C1orf35: variants seen among roughly 807,000 people sequenced by gnomAD.
C1orf35 encodes the protein multiple myeloma tumor-associated protein 2.
In C1orf35, 36 loss-of-function variants were observed where a neutral mutation model predicts 30.9. That is an observed-to-expected ratio of 1.16 (90% CI 0.89 to 1.54). The LOEUF (loss-of-function observed/expected upper bound fraction) is 1.54, where lower values mean the gene tolerates loss of function less well. C1orf35 is among the 40% of genes most tolerant of loss of function. The probability of loss-of-function intolerance (pLI) is 0.00; values close to 1 mark genes in which losing one functional copy is unlikely to be tolerated. For synonymous variants in C1orf35, 179 were observed against 148.2 expected, an observed-to-expected ratio of 1.21 and a Z score of -1.51; for missense variants, 396 against 358.7, an observed-to-expected ratio of 1.10 and a Z score of -0.84.
intron 6 of C1orf35, 105 bp from the exon 7 acceptor site, chr1:228,101,578 TTTAAATCAG>T: frequency 6.5e-7 from 1 of 1,539,418 alleles, no homozygotes; most frequent in African/African-American, 1.4e-5. Context: ...CAAGTGCGTC[TTTAAATCAG>T]TTAAATCAAA....
rs1471752209 is a variant in C1orf35 at position 228,101,043 on chromosome 1, C to T, written c.*88G>A. The T allele has an allele frequency of 4.5e-6, 7 of 1,572,778 alleles. No homozygotes were observed. In the East Asian group the frequency reaches 6.7e-5, roughly 15 times the overall value. On this transcript the variant is annotated 3_prime_UTR_variant, in exon 8 of 8. Coordinates refer to ENST00000272139, the MANE Select transcript of C1orf35 (RefSeq NM_024319.4). ...CCACAGGAGCAGCCTCGGGCTTCAC[C>T]CACACCCAAGGAGCTTCCGAGGCAG...
Position 228,103,325 on chromosome 1 carries a change from C to G in C1orf35, c.-98G>C. On this transcript the variant is annotated 5_prime_UTR_variant, in exon 1 of 8. Coordinates refer to ENST00000272139, the MANE Select transcript of C1orf35 (RefSeq NM_024319.4). ...CTACCGTCGGACCCAGGCCCGACCC[C>G]GCCTCCGCGTCGCGCGCCGTGACGT... 2.8e-6 allele frequency: 4 copies of G among 1,405,280 alleles called. No homozygotes were observed. Among genetic ancestry groups the G allele is most frequent in the Non-Finnish European group, 3.8e-6 (4 of 1,047,942 alleles). 87.1% of individuals were successfully genotyped at this position (1,405,280 alleles called of 1,614,324 possible). A position where few individuals can be genotyped will look rare whatever the true frequency, so the allele number is the denominator to read the frequency against.
chr1:228,103,072 T>G, intron 1 of C1orf35, 23 bp from the exon 2 acceptor site: 2 of 1,605,300 alleles, frequency 1.2e-6, no homozygotes, highest in Non-Finnish European at 1.7e-6. Flanking sequence ...ACGCTGTGAG[T>G]CCAGCGCCCG....
Position 228,102,937 on chromosome 1 carries a change from G to C in C1orf35, c.207C>G (p.Ala69=), listed in dbSNP as rs1472842474. The C allele has an allele frequency of 1.3e-5, 20 of 1,508,952 alleles. No homozygotes were observed. Among genetic ancestry groups the C allele is most frequent in the Non-Finnish European group, 1.8e-5 (20 of 1,134,462 alleles). The allele number at this position is 1,508,952 out of a possible 1,614,324, so 93.5% of individuals were successfully genotyped here. A position where few individuals can be genotyped will look rare whatever the true frequency, so the allele number is the denominator to read the frequency against. Residue 69 remains alanine (A), a synonymous_variant, in exon 2 of 8, where the codon GCC becomes GCG. Coordinates refer to ENST00000272139, the MANE Select transcript of C1orf35 (RefSeq NM_024319.4). ...GCGCCTCGCGCTCCGCCTCCCGCACGGCTGCCAGTTCCTCCTCGCGGCTCG... is the reference window on the plus strand; with the variant it reads ...GCGCCTCGCGCTCCGCCTCCCGCACCGCTGCCAGTTCCTCCTCGCGGCTCG... The part of the protein sequence containing the change: ...AGPSREEELA[A]VREAEREALL...
Position 228,103,136 on chromosome 1 carries a change from A to T in C1orf35, c.92T>A (p.Leu31Gln). ...VKTDKQRENY[L>Q]GNSLMAPVGR... is the part of the protein sequence containing the mutation. Reference sequence around the variant, plus strand: ...GCCCGCCCACCGCGCGCACCCACCCAGGTAGTTCTCCCGCTGCTTGTCAGT... The same window carrying T: ...GCCCGCCCACCGCGCGCACCCACCCTGGTAGTTCTCCCGCTGCTTGTCAGT... Residue 31 changes from leucine to glutamine, a missense_variant and splice_region_variant, in exon 1 of 8, where the codon CTG (leucine) becomes CAG (glutamine). Transcript: ENST00000272139. 6.2e-7 allele frequency: 1 copy of T among 1,610,826 alleles called. No homozygotes were observed. The highest frequency in any genetic ancestry group is 8.5e-7 in the Non-Finnish European group (1 of 1,179,182).
intron 6 of C1orf35, 33 bp downstream of exon 6, chr1:228,102,047 G>A (rs780744622): frequency 1.4e-5 from 21 of 1,512,560 alleles, no homozygotes; most frequent in Non-Finnish European, 1.7e-5. Flanking sequence ...CCCCCACCCC[G>A]GGGCACAGCT....
At chr1:228,102,760 T>A in intron 2 of C1orf35, 72 bp from the exon 3 acceptor site, 1 of 1,518,000 alleles carries the variant, frequency 6.6e-7, no homozygotes, top group Admixed American at 2.2e-5. Flanking sequence ...CACTCCAGCC[T>A]TCGTCCTCAG....
chr1:228,102,604 C>A (rs749671377), intron 3 of C1orf35, 39 bp downstream of exon 3: 1 of 1,585,126 alleles, frequency 6.3e-7, no homozygotes, highest in Non-Finnish European at 8.6e-7. Flanking sequence ...CGGCCCCACA[C>A]CCACGGCCCT....
Position 228,102,398 on chromosome 1 carries a change from G to A in C1orf35, c.375-16C>T, listed in dbSNP as rs771534451. 7 of 1,607,906 alleles carry A rather than the reference G, an allele frequency of 4.4e-6. No individual in the cohort carries two copies. The highest frequency in any genetic ancestry group is 1.7e-5 in the Admixed American group (1 of 59,720). Reference sequence around the variant, plus strand: ...CACGGAGCCACTGCAGGGACATGGCGATGAAGACAGTACGGCAGGGGTCCG... The same window carrying A: ...CACGGAGCCACTGCAGGGACATGGCAATGAAGACAGTACGGCAGGGGTCCG... On this transcript the variant is annotated splice_polypyrimidine_tract_variant and intron_variant, in intron 4 of 7. Transcript: ENST00000272139.
In C1orf35 at chr1:228,102,884, T is replaced by C. The variant is rs2033012242; in HGVS notation, c.245+15A>G. The stretch of plus-strand genomic sequence containing the variant: ...CCGTCCCAGGCACCGACCGCTGCCG[T>C]CCGCGGACACTCACAGGGCGGCCAG... On this transcript the variant is annotated intron_variant, in intron 2 of 7. Coordinates refer to ENST00000272139, the MANE Select transcript of C1orf35 (RefSeq NM_024319.4). 1.4e-6 allele frequency: 2 copies of C among 1,394,270 alleles called. No individual in the cohort carries two copies. The highest frequency in any genetic ancestry group is 1.8e-6 in the Non-Finnish European group (2 of 1,081,606). 86.4% of individuals were successfully genotyped at this position (1,394,270 alleles called of 1,614,324 possible). A position where few individuals can be genotyped will look rare whatever the true frequency, so the allele number is the denominator to read the frequency against.
Position 228,102,885 on chromosome 1 carries a change from C to G in C1orf35, c.245+14G>C. 1 of 1,403,042 alleles carries G rather than the reference C, an allele frequency of 7.1e-7. No individual in the cohort carries two copies. Among genetic ancestry groups the G allele is most frequent in the Non-Finnish European group, 9.2e-7 (1 of 1,085,658 alleles). The allele number at this position is 1,403,042 out of a possible 1,614,324, so 86.9% of individuals were successfully genotyped here. On this transcript the variant is annotated intron_variant, in intron 2 of 7. Coordinates refer to ENST00000272139, the MANE Select transcript of C1orf35 (RefSeq NM_024319.4). ...CGTCCCAGGCACCGACCGCTGCCGT[C>G]CGCGGACACTCACAGGGCGGCCAGC...
chr1:228,102,133 G>A lies in C1orf35; in HGVS notation c.480C>T (p.Thr160=), dbSNP rs1037499470. ...HHRVESGGPG[T]SAASARRKPR... ...GCTTCCTCCTGGCCGAGGCTGCCGA[G>A]GTCCCGGGCCCGCCGCTCTCTACGC... is the stretch of plus-strand genomic sequence containing the variant. The change falls in exon 6 of 8, where the codon ACC becomes ACT. Residue 160 remains threonine (T), a synonymous_variant. Transcript: ENST00000272139. 2 of 1,568,052 alleles carry A rather than the reference G, an allele frequency of 1.3e-6. No individual in the cohort carries two copies. The highest frequency in any genetic ancestry group is 2.7e-5 in the African/African-American group (2 of 74,218).
At chr1:228,102,795 A>C in intron 2 of C1orf35, 104 bp downstream of exon 2, 1 of 1,426,854 alleles carries the variant, frequency 7.0e-7, no homozygotes, top group Non-Finnish European at 9.2e-7. Context: ...GAGTCCCCGC[A>C]GCCCCGCTCC....
In C1orf35 at chr1:228,102,968, G is replaced by A. The variant is rs1328447195; in HGVS notation, c.176C>T (p.Ala59Val). ...TWYAKGRAPCAGPSREEELAA... is the reference protein window; with the variant it reads ...TWYAKGRAPCVGPSREEELAA... ...CAGTTCCTCCTCGCGGCTCGGGCCCGCGCATGGCGCCCGGCCCTTGGCGTA... is the reference window on the plus strand; with the variant it reads ...CAGTTCCTCCTCGCGGCTCGGGCCCACGCATGGCGCCCGGCCCTTGGCGTA... The change falls in exon 2 of 8, where the codon GCG (alanine) becomes GTG (valine). Residue 59 changes from alanine (A) to valine (V), a missense_variant. By Grantham distance (64) the Ala-to-Val change is moderately conservative. Transcript: ENST00000272139. 1.3e-6 allele frequency: 2 copies of A among 1,526,222 alleles called. No homozygotes were observed. Among genetic ancestry groups the A allele is most frequent in the South Asian group, 1.2e-5 (1 of 82,668 alleles). 94.5% of individuals were successfully genotyped at this position (1,526,222 alleles called of 1,614,324 possible).
intron 4 of C1orf35, 48 bp from the exon 5 acceptor site, chr1:228,102,430 C>G (rs755939861): frequency 1.3e-6 from 2 of 1,584,412 alleles, no homozygotes; most frequent in South Asian, 2.3e-5. Flanking sequence ...TCCGCCTCAC[C>G]CGAGCAATCG....
At position 228,102,460 on chromosome 1, in the gene C1orf35, C is replaced by T; in HGVS notation, c.374+18G>A. 1.9e-6 allele frequency: 3 copies of T among 1,565,502 alleles called. No individual in the cohort carries two copies. The highest frequency in any genetic ancestry group is 1.7e-6 in the Non-Finnish European group (2 of 1,159,488). ...CAATCGAGCCCAGTGCTGCCCTCCC[C>T]TGGAAACCCGCCCGCACCTTGCGCT... On this transcript the variant is annotated intron_variant, in intron 4 of 7. Coordinates refer to ENST00000272139, the MANE Select transcript of C1orf35 (RefSeq NM_024319.4).
In C1orf35 at chr1:228,102,349, C is replaced by T. The variant is rs755813107; in HGVS notation, c.408G>A (p.Glu136=). 5 of 1,611,586 alleles carry T rather than the reference C, an allele frequency of 3.1e-6. No individual in the cohort carries two copies. Among genetic ancestry groups the T allele is most frequent in the Middle Eastern group, 1.7e-4 (1 of 6,028 alleles). Residue 136 remains glutamate (E), a synonymous_variant, in exon 5 of 8, where the codon GAG becomes GAA. Transcript: ENST00000272139. ...GCCCCAGTTTGGCGGCCTCCTTGTC[C>T]TCTCGGGACATCGCCACGCGGCCCA... ...GSVGRVAMSR[E]DKEAAKLGLS...
chr1:228,101,314 G>C (rs759587963), intron 7 of C1orf35, 25 bp downstream of exon 7: 31 of 1,614,066 alleles, frequency 1.9e-5, no homozygotes, highest in Admixed American at 1.3e-4. Context: ...CCACCCCCAA[G>C]AGGCAGATAT....
chr1:228,101,881 G>A (rs2032974303), intron 6 of C1orf35, 199 bp downstream of exon 6: 2 of 1,421,198 alleles, frequency 1.4e-6, no homozygotes, highest in Non-Finnish European at 1.8e-6. Context: ...CCAGTACTTA[G>A]GACCTCTCTT....
Sources: gnomAD v4.1 joint callset for allele counts on GRCh38, gnomAD v4.1.1 for gene constraint, MANE v1.5 for transcripts, NCBI Gene and HGNC (gene_info 2026-07-23, HGNC 2026-07-21) for gene names.